SEMA5A: variants seen among roughly 807,000 people sequenced by gnomAD.
SEMA5A encodes semaphorin-5A.
SEMA5A carries 55 observed loss-of-function variants against 135.5 expected under a neutral mutation model. The observed-to-expected ratio is 0.41, with a 90% CI of 0.33 to 0.51. The LOEUF is 0.51. Among genes scored for constraint, SEMA5A ranks in the 20% least tolerant of loss-of-function variants. The pLI is 0.37. For missense variants in SEMA5A, 1,290 were observed against 1,419.9 expected, an observed-to-expected ratio of 0.91 and a Z score of 1.47; for synonymous variants, 580 against 546.5, an observed-to-expected ratio of 1.06 and a Z score of -0.85.
At chr5:9,228,309 G>A (rs1747431473) in intron 6 of SEMA5A, among the ~76,000 whole-genome samples, 1 of 152,186 alleles carries the variant, frequency 6.6e-6, no homozygotes, top group Non-Finnish European at 1.5e-5. Flanking sequence ...TTCCTGGAGG[G>A]GGTGCTTGTA....
chr5:9,273,922 C>T (rs1750120057), intron 5 of SEMA5A, among the ~76,000 whole-genome samples: 1 of 152,088 alleles, frequency 6.6e-6, no homozygotes, highest in Admixed American at 6.5e-5. Flanking sequence ...TATGAAGAAA[C>T]GGCCTCAACT....
chr5:9,486,705 T>C (rs1734746767), intron 1 of SEMA5A, among the ~76,000 whole-genome samples: 1 of 152,014 alleles, frequency 6.6e-6, no homozygotes, highest in Non-Finnish European at 1.5e-5. Context: ...CCTCAGACTA[T>C]AATAAGACAG....
chr5:9,452,409 A>G (rs1758678238), intron 1 of SEMA5A, among the ~76,000 whole-genome samples: 1 of 152,206 alleles, frequency 6.6e-6, no homozygotes, highest in Admixed American at 6.5e-5. Flanking sequence ...CAGCTTGAAG[A>G]AGAACTGCTA....
At chr5:9,382,125 G>A (rs933926361) in intron 2 of SEMA5A, among the ~76,000 whole-genome samples, 3 of 151,954 alleles carry the variant, frequency 2.0e-5, no homozygotes, top group Non-Finnish European at 2.9e-5. Context: ...ATGAGATTTC[G>A]TCTCTACAAA....
chr5:9,318,486 T>G (rs143837678), intron 4 of SEMA5A, 69 bp from the exon 5 acceptor site: 4 of 1,309,784 alleles, frequency 3.1e-6, no homozygotes, highest in Middle Eastern at 2.2e-4. Flanking sequence ...TTATAAAAAT[T>G]TCAAGAACAA....
At chr5:9,369,056 C>T (rs1019004860) in intron 3 of SEMA5A, among the ~76,000 whole-genome samples, 1 of 152,184 alleles carries the variant, frequency 6.6e-6, no homozygotes, top group Non-Finnish European at 1.5e-5. Context: ...ATATCCTTGC[C>T]AACACTTGGT....
At chr5:9,256,134 T>C (rs1470832283) in intron 5 of SEMA5A, among the ~76,000 whole-genome samples, 1 of 152,224 alleles carries the variant, frequency 6.6e-6, no homozygotes, top group African/African-American at 2.4e-5. Flanking sequence ...CCTATAACTT[T>C]GTCCCATTAT....
chr5:9,284,440 A>C (rs1336269500), intron 5 of SEMA5A, among the ~76,000 whole-genome samples: 2 of 152,190 alleles, frequency 1.3e-5, no homozygotes, highest in South Asian at 4.1e-4. Flanking sequence ...ATGTAGGCAC[A>C]TCCTGAATGA....
chr5:9,305,100 C>T (rs1469140656), intron 5 of SEMA5A, among the ~76,000 whole-genome samples: 1 of 152,120 alleles, frequency 6.6e-6, no homozygotes, highest in Non-Finnish European at 1.5e-5. Flanking sequence ...CCTTTGCCCT[C>T]ATCCCAGGAA....
intron 1 of SEMA5A, among the ~76,000 whole-genome samples, chr5:9,448,593 A>G (rs1484790223): frequency 6.6e-6 from 1 of 152,230 alleles, no homozygotes; most frequent in Non-Finnish European, 1.5e-5. Flanking sequence ...TTGGTTTGCT[A>G]AGCCATTGAG....
chr5:9,142,895 T>C (rs987274805), intron 12 of SEMA5A, among the ~76,000 whole-genome samples: 1 of 152,198 alleles, frequency 6.6e-6, no homozygotes, highest in Non-Finnish European at 1.5e-5. Context: ...GAGGCTGCAG[T>C]GAGCTGAGAT....
chr5:9,181,725 TG>T (rs1744522592), intron 11 of SEMA5A, among the ~76,000 whole-genome samples: 4 of 152,132 alleles, frequency 2.6e-5, no homozygotes, highest in African/African-American at 4.8e-5. Flanking sequence ...AGTGAGTATG[TG>T]GAGATGGAGA....
intron 5 of SEMA5A, among the ~76,000 whole-genome samples, chr5:9,305,341 G>C (rs569267268): frequency 2.0e-5 from 3 of 151,924 alleles, no homozygotes; most frequent in Admixed American, 2.0e-4. Context: ...TTTTCTCCTT[G>C]TTTCATGGTA....
At chr5:9,161,909 G>A (rs929145012) in intron 11 of SEMA5A, among the ~76,000 whole-genome samples, 18 of 152,128 alleles carry the variant, frequency 1.2e-4, no homozygotes, top group Non-Finnish European at 2.1e-4. Context: ...ACAGCTACAC[G>A]GCCAGTAAAT....
At chr5:9,296,407 T>C (rs1214765486) in intron 5 of SEMA5A, among the ~76,000 whole-genome samples, 1 of 152,196 alleles carries the variant, frequency 6.6e-6, no homozygotes, top group Non-Finnish European at 1.5e-5. Flanking sequence ...AATATATTTA[T>C]AATGAGCCCT....
intron 13 of SEMA5A, among the ~76,000 whole-genome samples, chr5:9,126,989 A>C (rs1279769059): frequency 6.6e-6 from 1 of 152,192 alleles, no homozygotes; most frequent in Non-Finnish European, 1.5e-5. Flanking sequence ...AGCAAAGGTC[A>C]AGCCCTTACC....
chr5:9,443,625 A>AT (rs1758320678), intron 1 of SEMA5A, among the ~76,000 whole-genome samples: 2 of 152,338 alleles, frequency 1.3e-5, no homozygotes, highest in African/African-American at 2.4e-5. Context: ...ACATAGTTAC[A>AT]TTTTTTGAGG....
At chr5:9,252,164 C>T (rs568528219) in intron 5 of SEMA5A, among the ~76,000 whole-genome samples, 29 of 152,236 alleles carry the variant, frequency 1.9e-4, no homozygotes, top group Non-Finnish European at 8.8e-5. Context: ...AAATGTGGTG[C>T]TTTTGAAAGG....
chr5:9,416,584 C>T (rs948314577), intron 2 of SEMA5A, among the ~76,000 whole-genome samples: 7 of 152,174 alleles, frequency 4.6e-5, no homozygotes, highest in African/African-American at 1.2e-4. Context: ...TCAAAGGCAA[C>T]ATGAAAGTTA....
Sources: gnomAD v4.1 joint callset for allele counts (sites outside exome capture counted in the v4.1 genomes callset) on GRCh38, gnomAD v4.1.1 for gene constraint, MANE v1.5 for transcripts, NCBI Gene and HGNC (gene_info 2026-07-23, HGNC 2026-07-21) for gene names.